AMELY: variants seen among roughly 807,000 people sequenced by gnomAD.
The protein encoded by AMELY is amelogenin Y-linked.
In AMELY, 4 loss-of-function variants were observed where a neutral mutation model predicts 4.2. The ratio of observed to expected loss-of-function variants is 0.96; its 90% CI spans 0.47 to 2.19. The LOEUF (loss-of-function observed/expected upper bound fraction) is 2.19. AMELY is among the 30% of genes most tolerant of loss of function. The pLI, the probability that AMELY is intolerant of heterozygous loss-of-function variation, is 0.02. For missense variants in AMELY, 32 were observed against 41.5 expected (o/e 0.77, Z 0.63); for synonymous variants, 11 against 14.7 (o/e 0.75, Z 0.57).
At chrY:6,874,567 T>C (rs1036737893) in intron 1 of AMELY, among the ~76,000 whole-genome samples, 4 of 33,367 alleles carry the variant, frequency 1.2e-4, no homozygotes, top group Non-Finnish European at 3.0e-4. Flanking sequence ...TACACATTGG[T>C]CAGCACACAT....
chrY:6,883,514 A>C, intron 1 of AMELY, among the ~76,000 whole-genome samples: 1 of 32,358 alleles, frequency 3.1e-5, no homozygotes, highest in Non-Finnish European at 7.5e-5. Context: ...GAGTGCAAAA[A>C]ACCATCGTGA....
chrY:6,896,790 C>G, intron 1 of AMELY, among the ~76,000 whole-genome samples: 2 of 33,096 alleles, frequency 6.0e-5, no homozygotes, highest in Non-Finnish European at 1.5e-4. Context: ...TTATAGATGC[C>G]AGAGCAACCC....
At chrY:6,884,160 C>T in intron 1 of AMELY, among the ~76,000 whole-genome samples, 5 of 31,159 alleles carry the variant, frequency 1.6e-4, no homozygotes, top group Admixed American at 1.3e-3. Flanking sequence ...TGGAAACCAT[C>T]GTCTGCAAAC....
At chrY:6,891,302 C>T in intron 1 of AMELY, among the ~76,000 whole-genome samples, 2 of 33,689 alleles carry the variant, frequency 5.9e-5, no homozygotes, top group Non-Finnish European at 1.5e-4. Context: ...AGATTCCAGA[C>T]ATTGTATAAA....
chrY:6,869,873 GGTAGGAACT>G (rs2054066207), intron 4 of AMELY, 124 bp downstream of exon 4: 1 of 235,707 alleles, frequency 4.2e-6, no homozygotes, highest in Non-Finnish European at 7.3e-6. Context: ...GGAAGCTGAT[GGTAGGAACT>G]GTAAAATTGG....
At chrY:6,906,364 GCA>G (rs2011662929) in intron 1 of AMELY, among the ~76,000 whole-genome samples, 3 of 33,109 alleles carry the variant, frequency 9.1e-5, no homozygotes, top group South Asian at 6.7e-4. Flanking sequence ...ACACAGAGAT[GCA>G]CACACATACA....
chrY:6,891,815 G>T (rs904000119), intron 1 of AMELY, among the ~76,000 whole-genome samples: 2 of 33,727 alleles, frequency 5.9e-5, no homozygotes. Flanking sequence ...AGTACGAAAG[G>T]CTTGTTCAGC....
intron 1 of AMELY, among the ~76,000 whole-genome samples, chrY:6,881,478 A>C (rs2054074919): frequency 9.0e-5 from 3 of 33,267 alleles, no homozygotes; most frequent in Non-Finnish European, 2.2e-4. Context: ...ACAAAACCAC[A>C]GGCAATATCA....
At chrY:6,885,418 G>T (rs768448425) in intron 1 of AMELY, among the ~76,000 whole-genome samples, 3,106 of 34,035 alleles carry the variant, frequency 0.091, no homozygotes, top group East Asian at 0.06. Context: ...GAGCTTGCAG[G>T]GAGCCAAAAT....
At chrY:6,887,238 G>T (rs781034642) in intron 1 of AMELY, among the ~76,000 whole-genome samples, 6 of 33,184 alleles carry the variant, frequency 1.8e-4, no homozygotes, top group Admixed American at 5.5e-4. Flanking sequence ...GCAACTCAAA[G>T]CCACATGAAA....
At chrY:6,907,818 C>T in intron 1 of AMELY, among the ~76,000 whole-genome samples, 2 of 32,361 alleles carry the variant, frequency 6.2e-5, no homozygotes, top group Non-Finnish European at 1.5e-4. Flanking sequence ...TGAGCTGAGA[C>T]CACACCACTG....
intron 1 of AMELY, among the ~76,000 whole-genome samples, chrY:6,892,859 T>C: frequency 3.0e-5 from 1 of 33,489 alleles, no homozygotes; most frequent in Non-Finnish European, 7.4e-5. Context: ...TCTGGACAGG[T>C]AGAACGCATG....
At chrY:6,907,467 C>A (rs2011667316) in intron 1 of AMELY, among the ~76,000 whole-genome samples, 2 of 31,701 alleles carry the variant, frequency 6.3e-5, no homozygotes, top group African/African-American at 1.3e-4. Context: ...TTGTCTTTTA[C>A]ATTTAGGGCT....
intron 1 of AMELY, among the ~76,000 whole-genome samples, chrY:6,899,594 G>A (rs2054088120): frequency 3.2e-5 from 1 of 31,309 alleles, no homozygotes; most frequent in South Asian, 7.4e-4. Flanking sequence ...TTAGCTGGGC[G>A]TGGTGGCTCA....
intron 1 of AMELY, among the ~76,000 whole-genome samples, chrY:6,885,957 C>T: frequency 2.9e-5 from 1 of 34,158 alleles, no homozygotes; most frequent in African/African-American, 1.1e-4. Flanking sequence ...ATCATTTGTA[C>T]ATGAAACCCC....
chrY:6,902,717 A>AT (rs1482054708), intron 1 of AMELY, among the ~76,000 whole-genome samples: 88 of 25,577 alleles, frequency 3.4e-3, no homozygotes, highest in African/African-American at 5.2e-3. Flanking sequence ...TGCCCAGCTA[A>AT]TTTTTTTTTT....
At chrY:6,893,331 A>G in intron 1 of AMELY, among the ~76,000 whole-genome samples, 2 of 33,356 alleles carry the variant, frequency 6.0e-5, no homozygotes, top group Non-Finnish European at 1.5e-4. Context: ...ATATCAAAAA[A>G]GCCAGCAAAG....
chrY:6,870,532 A>T lies in AMELY; in HGVS notation c.55-479T>A, dbSNP rs371209280. 2.1e-4 allele frequency among the ~76,000 whole-genome samples: 7 copies of T among 34,070 alleles called. No individual in the cohort carries two copies. The East Asian group carries it at 5.5e-3, about 27-fold the overall frequency. The allele number at this position is 34,070 out of a possible 37,273, so 91.4% of individuals were successfully genotyped here. On this transcript the variant is annotated intron_variant, in intron 3 of 6. Coordinates refer to ENST00000651267, the MANE Select transcript of AMELY (RefSeq NM_001143.2). ...TTGTCTCACAAATGTTCCCTTGTAG[A>T]TCAGGAGGTGGTCAAGTACTGTAAG...
chrY:6,886,218 A>G, intron 1 of AMELY, among the ~76,000 whole-genome samples: 1 of 34,079 alleles, frequency 2.9e-5, no homozygotes, highest in African/African-American at 1.1e-4. Context: ...ATTATCAAAT[A>G]CAGAATATCT....
Sources: allele counts gnomAD v4.1 joint callset (sites outside exome capture counted in the v4.1 genomes callset), GRCh38; gene constraint gnomAD v4.1.1; transcripts MANE v1.5; gene names NCBI Gene and HGNC (gene_info 2026-07-23, HGNC 2026-07-21).